The following COL19A1 variants were observed in gnomAD, a reference collection of about 807,000 sequenced individuals.
COL19A1 encodes the protein collagen type XIX alpha 1 chain.
Under a neutral mutation model 190.2 loss-of-function variants are expected in COL19A1, and 159 were observed. That is an observed-to-expected ratio of 0.84 (90% CI 0.73 to 0.95). The LOEUF is 0.95. COL19A1 is among the 40% of genes least tolerant of loss of function. COL19A1 has a pLI of 0.00. For missense variants in COL19A1, 1,418 were observed against 1,431.9 expected, an observed-to-expected ratio of 0.99 and a Z score of 0.16; for synonymous variants, 509 against 458.9, an observed-to-expected ratio of 1.11 and a Z score of -1.39.
chr6:70,037,233 G>A (rs561424143), intron 14 of COL19A1, among the ~76,000 whole-genome samples: 47 of 152,174 alleles, frequency 3.1e-4, no homozygotes, highest in Non-Finnish European at 3.2e-4. Context: ...TCGGCTCACT[G>A]CAACCTCCGC....
intron 15 of COL19A1, among the ~76,000 whole-genome samples, chr6:70,079,984 A>G (rs551577047): frequency 6.6e-6 from 1 of 152,322 alleles, no homozygotes; most frequent in African/African-American, 2.4e-5. Flanking sequence ...ATCCAGACAT[A>G]CCGGAAGAGG....
intron 2 of COL19A1, among the ~76,000 whole-genome samples, chr6:69,893,380 A>G (rs1769489910): frequency 6.6e-6 from 1 of 152,234 alleles, no homozygotes; most frequent in Non-Finnish European, 1.5e-5. Context: ...CAGGGTAATT[A>G]CAGTTAGAAA....
chr6:70,068,244 C>A (rs1781359613), intron 14 of COL19A1, among the ~76,000 whole-genome samples, 179 bp from the exon 15 acceptor site: 1 of 151,742 alleles, frequency 6.6e-6, no homozygotes, highest in Admixed American at 6.6e-5. Context: ...TACAAAGAAG[C>A]CAGTCAAAGA....
chr6:70,162,703 CT>C (rs946345604), intron 35 of COL19A1, among the ~76,000 whole-genome samples: 1 of 152,178 alleles, frequency 6.6e-6, no homozygotes, highest in Non-Finnish European at 1.5e-5. Flanking sequence ...CCAATAGAGT[CT>C]TTACCACACC....
chr6:70,057,621 T>C (rs1260327251), intron 14 of COL19A1, among the ~76,000 whole-genome samples: 2 of 152,210 alleles, frequency 1.3e-5, no homozygotes, highest in African/African-American at 4.8e-5. Flanking sequence ...AGAAAATAAG[T>C]ACTTAATCCT....
At chr6:69,876,001 A>G (rs1379838063) in intron 1 of COL19A1, among the ~76,000 whole-genome samples, 1 of 152,200 alleles carries the variant, frequency 6.6e-6, no homozygotes, top group Non-Finnish European at 1.5e-5. Context: ...AATATTTAAA[A>G]GGAAATCTGA....
intron 6 of COL19A1, among the ~76,000 whole-genome samples, chr6:69,931,496 A>T (rs994110095): frequency 2.8e-4 from 42 of 152,268 alleles, no homozygotes; most frequent in African/African-American, 8.9e-4. Flanking sequence ...ACATAATAGG[A>T]TTTCAATATT....
intron 15 of COL19A1, among the ~76,000 whole-genome samples, chr6:70,093,505 G>T (rs1442258419): frequency 6.6e-6 from 1 of 151,942 alleles, no homozygotes; most frequent in East Asian, 1.9e-4. Context: ...CTAAATGGAA[G>T]GTTTGGGTTG....
Position 70,101,734 on chromosome 6 carries a change from T to C in COL19A1, c.1225-435T>C, listed in dbSNP as rs990656930. On this transcript the variant is annotated intron_variant, in intron 15 of 50. Transcript: ENST00000620364. ...CTAGGATGAAGTCCAGGAATATGCA[T>C]GTTTAACACCCAAACTCACCCTCAA... Among the ~76,000 whole-genome samples the C allele has an allele frequency of 5.3e-5, 8 of 152,230 alleles. No homozygotes were observed. In the South Asian group the frequency reaches 1.7e-3, roughly 32 times the overall value.
intron 4 of COL19A1, among the ~76,000 whole-genome samples, chr6:69,925,568 G>A (rs1207374295): frequency 1.3e-5 from 2 of 152,122 alleles, no homozygotes; most frequent in South Asian, 2.1e-4. Context: ...TGGCAATGCG[G>A]GCTCTTTTTT....
chr6:70,156,804 C>A, intron 34 of COL19A1, 81 bp downstream of exon 34: 1 of 1,105,938 alleles, frequency 9.0e-7, no homozygotes, highest in Non-Finnish European at 1.3e-6. Context: ...GTTAATTTTT[C>A]TATAGCTCAG....
rs1363839635 is a variant in COL19A1, at chr6:70,141,937, C to G, written c.1518+9C>G. Reference sequence around the variant, plus strand: ...GATCACAGGGAGTAAAGGTAATTTCCTGGCATTCTTCAATTTCCTCTCCAA... The same window carrying G: ...GATCACAGGGAGTAAAGGTAATTTCGTGGCATTCTTCAATTTCCTCTCCAA... On this transcript the variant is annotated intron_variant, in intron 21 of 50. Coordinates refer to ENST00000620364, the MANE Select transcript of COL19A1 (RefSeq NM_001858.6). 3 of 1,607,224 alleles carry G rather than the reference C, an allele frequency of 1.9e-6. No individual in the cohort carries two copies. Among genetic ancestry groups the G allele is most frequent in the Non-Finnish European group, 2.6e-6 (3 of 1,174,360 alleles).
At chr6:70,081,539 C>G (rs907126320) in intron 15 of COL19A1, among the ~76,000 whole-genome samples, 4 of 151,820 alleles carry the variant, frequency 2.6e-5, no homozygotes, top group African/African-American at 7.3e-5. Context: ...AAGTTTATAC[C>G]AGAATGTAAA....
chr6:70,090,837 C>G (rs1484069928), intron 15 of COL19A1, among the ~76,000 whole-genome samples: 1 of 152,146 alleles, frequency 6.6e-6, no homozygotes, highest in Non-Finnish European at 1.5e-5. Flanking sequence ...TCTGGCCTGC[C>G]TGCCACCCAA....
intron 11 of COL19A1, among the ~76,000 whole-genome samples, chr6:69,976,706 AC>A (rs1775733641): frequency 6.6e-6 from 1 of 152,224 alleles, no homozygotes; most frequent in Non-Finnish European, 1.5e-5. Context: ...TGTTTAAGGA[AC>A]CACATGGAGT....
At chr6:70,040,077 T>C (rs933657900) in intron 14 of COL19A1, among the ~76,000 whole-genome samples, 2 of 152,152 alleles carry the variant, frequency 1.3e-5, no homozygotes, top group African/African-American at 4.8e-5. Flanking sequence ...GGATTATGTT[T>C]ATTGCTGTTA....
intron 42 of COL19A1, among the ~76,000 whole-genome samples, chr6:70,179,198 C>T (rs1180122501): frequency 6.6e-6 from 1 of 152,184 alleles, no homozygotes; most frequent in South Asian, 2.1e-4. Context: ...CGTATCTCTA[C>T]CTATGGAGGG....
Position 70,071,113 on chromosome 6 carries a change from T to C in COL19A1, c.1224+2637T>C, listed in dbSNP as rs116459890. ...CATCAATGATTAAATACGTAGTAGC[T>C]ACTACTCTACCAATATCTCACAATT... On this transcript the variant is annotated intron_variant, in intron 15 of 50. Transcript: ENST00000620364. Among the ~76,000 whole-genome samples the C allele has an allele frequency of 1.4e-3, 210 of 152,252 alleles. 1 individual carries two copies. Among genetic ancestry groups the C allele is most frequent in the African/African-American group, 4.8e-3 (201 of 41,586 alleles).
intron 14 of COL19A1, among the ~76,000 whole-genome samples, chr6:70,041,832 A>G (rs1779650527): frequency 6.6e-6 from 1 of 152,164 alleles, no homozygotes; most frequent in Admixed American, 6.5e-5. Context: ...CAGGCAGATC[A>G]CTTGAGGTGA....
Sources: gnomAD v4.1 joint callset for allele counts (sites outside exome capture counted in the v4.1 genomes callset) on GRCh38, gnomAD v4.1.1 for gene constraint, MANE v1.5 for transcripts, NCBI Gene and HGNC (gene_info 2026-07-23, HGNC 2026-07-21) for gene names.